The following CARS2 variants were observed in gnomAD, a reference collection of about 807,000 sequenced individuals.
CARS2 encodes the protein cysteinyl-tRNA synthetase 2, mitochondrial.
CARS2 carries 52 observed loss-of-function variants against 68.8 expected under a neutral mutation model. The ratio of observed to expected loss-of-function variants is 0.76; its 90% CI spans 0.61 to 0.95. The LOEUF (loss-of-function observed/expected upper bound fraction) is 0.95, where lower values mean the gene tolerates loss of function less well. Ranked by LOEUF, CARS2 falls within the 40% of genes least tolerant of loss-of-function variation. The probability of loss-of-function intolerance (pLI) is 0.00; values close to 1 mark genes in which losing one functional copy is unlikely to be tolerated. For missense variants in CARS2, 780 were observed against 754.2 expected, an observed-to-expected ratio of 1.03 and a Z score of -0.40; for synonymous variants, 314 against 303.6, an observed-to-expected ratio of 1.03 and a Z score of -0.36.
chr13:110,681,595 T>C (rs902731256), intron 6 of CARS2, among the ~76,000 whole-genome samples: 1 of 152,160 alleles, frequency 6.6e-6, no homozygotes, highest in Non-Finnish European at 1.5e-5. Context: ...TGCTCCTTGG[T>C]ATCTGCCCAA....
intron 7 of CARS2, among the ~76,000 whole-genome samples, chr13:110,673,082 C>T (rs1594315264): frequency 6.6e-6 from 1 of 152,180 alleles, no homozygotes; most frequent in African/African-American, 2.4e-5. Flanking sequence ...TAATAGCCTA[C>T]CAACCAGAAA....
rs59276783 is a variant in CARS2 at position 110,649,931 on chromosome 13, C to CTTTTTTTTTTTTT, written c.1054+1090_1054+1102dup. Among the ~76,000 whole-genome samples the CTTTTTTTTTTTTT allele has an allele frequency of 4.4e-4, 32 of 73,144 alleles. 1 individual carries two copies. Among genetic ancestry groups the CTTTTTTTTTTTTT allele is most frequent in the African/African-American group, 1.5e-3 (29 of 19,264 alleles). The allele number at this position is 73,144 out of a possible 152,430, so 48.0% of individuals were successfully genotyped here. A position where few individuals can be genotyped will look rare whatever the true frequency, so the allele number is the denominator to read the frequency against. ...CCAGGGATGCAGCTCTGGATAACGA[C>CTTTTTTTTTTTTT]TTTTTTTTTTTTTTTTTTTTTTTTG... On this transcript the variant is annotated intron_variant, in intron 10 of 14. Transcript: ENST00000257347.
intron 7 of CARS2, among the ~76,000 whole-genome samples, chr13:110,672,655 A>G (rs1450945978): frequency 3.4e-4 from 52 of 152,258 alleles, no homozygotes; most frequent in Admixed American, 3.4e-3. Context: ...AATTAAAAGA[A>G]CTAGAGAAGC....
At chr13:110,709,651 C>T (rs1467028474), upstream of CARS2, among the ~76,000 whole-genome samples, 1 of 152,136 alleles carries the variant, frequency 6.6e-6, no homozygotes, top group African/African-American at 2.4e-5. Flanking sequence ...ACTGGCTCTC[C>T]TTGCTCCTCA....
intron 12 of CARS2, chr13:110,644,696 T>C: frequency 1.3e-6 from 1 of 757,238 alleles, no homozygotes; most frequent in Non-Finnish European, 2.0e-6. Flanking sequence ...TGCCTCAGTT[T>C]ACCCATCAGT....
chr13:110,701,078 T>G (rs1266580152), intron 3 of CARS2, among the ~76,000 whole-genome samples: 2 of 152,164 alleles, frequency 1.3e-5, no homozygotes, highest in African/African-American at 4.8e-5. Context: ...TTTTTCTTTT[T>G]TTTTTTGAGA....
At chr13:110,710,866 T>C (rs117079992), upstream of CARS2, among the ~76,000 whole-genome samples, 3,666 of 152,288 alleles carry the variant, frequency 0.024, 50 homozygotes, top group Non-Finnish European at 0.036. Flanking sequence ...GCCTTTTTGG[T>C]TTATGTGTAT....
At chr13:110,695,760 G>A (rs564103646) in intron 3 of CARS2, among the ~76,000 whole-genome samples, 19 of 151,000 alleles carry the variant, frequency 1.3e-4, no homozygotes, top group South Asian at 4.2e-4. Flanking sequence ...GTTTACATTG[G>A]ATAAAAAGAA....
At chr13:110,706,192 G>T, upstream of CARS2, 1 of 862,370 alleles carries the variant, frequency 1.2e-6, no homozygotes, top group Non-Finnish European at 1.5e-6. Flanking sequence ...CCCCGCCCAC[G>T]CCCTTGGGGC....
chr13:110,642,535 G>A lies in CARS2; in HGVS notation c.1417-14C>T, dbSNP rs765964848. On this transcript the variant is annotated splice_polypyrimidine_tract_variant and intron_variant, in intron 13 of 14. Transcript: ENST00000257347. ...TCCTGAAACGTACTGAAGCCAGCAG[G>A]GCGCGGTTACGTCCCCCGGAGACTG... is the stretch of plus-strand genomic sequence containing the variant. 1 of 1,608,832 alleles carries A rather than the reference G, an allele frequency of 6.2e-7. No individual in the cohort carries two copies. The highest frequency in any genetic ancestry group is 8.5e-7 in the Non-Finnish European group (1 of 1,177,906).
chr13:110,643,613 C>A, intron 13 of CARS2: 1 of 154,410 alleles, frequency 6.5e-6, no homozygotes, highest in Non-Finnish European at 1.4e-5. Flanking sequence ...AGCCGAGCCA[C>A]ACCCCAAAAG....
In CARS2 at chr13:110,667,479, A is replaced by C. The variant is rs1372358723; in HGVS notation, c.786-6T>G. 6.2e-7 allele frequency: 1 copy of C among 1,613,228 alleles called. No individual in the cohort carries two copies. Among genetic ancestry groups the C allele is most frequent in the East Asian group, 2.2e-5 (1 of 44,880 alleles). On this transcript the variant is annotated splice_polypyrimidine_tract_variant and splice_region_variant and intron_variant, in intron 7 of 14. Transcript: ENST00000257347. ...GTTGACTTCCAAATACCATACTGCA[A>C]GACACAGTGCAAAGTAGTGAATTCA...
chr13:110,663,185 A>T (rs778370702), intron 9 of CARS2: 9 of 580,506 alleles, frequency 1.6e-5, no homozygotes, highest in Non-Finnish European at 2.5e-5. Context: ...GGCAAGGAAG[A>T]GGGCGCCGGC....
intron 9 of CARS2, among the ~76,000 whole-genome samples, chr13:110,657,714 A>T (rs924680968): frequency 6.6e-6 from 1 of 152,274 alleles, no homozygotes; most frequent in African/African-American, 2.4e-5. Flanking sequence ...ATCAAAGTGA[A>T]GCCTCTAAAA....
At chr13:110,677,798 C>G (rs1271427298) in intron 6 of CARS2, 1 of 154,232 alleles carries the variant, frequency 6.5e-6, no homozygotes, top group Non-Finnish European at 1.4e-5. Flanking sequence ...AGACAGTCAC[C>G]CCTACCATGA....
Position 110,693,570 on chromosome 13 carries a change from A to G in CARS2, c.394-5552T>C, listed in dbSNP as rs2063537720. On this transcript the variant is annotated intron_variant, in intron 3 of 14. Coordinates refer to ENST00000257347, the MANE Select transcript of CARS2 (RefSeq NM_024537.4). ...GACACGGGGTTTTACCGTGTTAGCCAGAATGGTCTCGATCTCCTGACCTCG... is the reference window on the plus strand; with the variant it reads ...GACACGGGGTTTTACCGTGTTAGCCGGAATGGTCTCGATCTCCTGACCTCG... Among the ~76,000 whole-genome samples, 4 of 152,122 alleles carry G rather than the reference A, an allele frequency of 2.6e-5. No individual in the cohort carries two copies. In the South Asian group the frequency reaches 8.3e-4, roughly 31 times the overall value.
At chr13:110,702,709 G>A (rs2063824336) in intron 2 of CARS2, among the ~76,000 whole-genome samples, 1 of 152,164 alleles carries the variant, frequency 6.6e-6, no homozygotes, top group African/African-American at 2.4e-5. Flanking sequence ...AGCAATTTGA[G>A]ACCCTGAGAC....
intron 8 of CARS2, chr13:110,667,042 C>T (rs904672294): frequency 7.8e-6 from 6 of 774,036 alleles, no homozygotes; most frequent in African/African-American, 1.9e-5. Flanking sequence ...TCATAATTAT[C>T]GTTACATTGT....
rs1174858983 is a variant in CARS2, at chr13:110,665,158, AC to A, written c.920-1641del. The A allele has an allele frequency of 1.0e-6, 1 of 985,194 alleles. No individual in the cohort carries two copies. The highest frequency in any genetic ancestry group is 6.2e-5 in the Admixed American group (1 of 16,254). 61.0% of individuals were successfully genotyped at this position (985,194 alleles called of 1,614,324 possible). On this transcript the variant is annotated intron_variant, in intron 8 of 14. Coordinates refer to ENST00000257347, the MANE Select transcript of CARS2 (RefSeq NM_024537.4). The surrounding 1 kb of genome is among the most constrained non-coding windows in gnomAD (Gnocchi z 4.3). The stretch of plus-strand genomic sequence containing the variant: ...AAAATCACTGAAAAATAGCCACAAA[AC>A]TTTCCCACCACGTGCAGTGGCTCAC...
Sources: allele counts gnomAD v4.1 joint callset (sites outside exome capture counted in the v4.1 genomes callset), GRCh38; gene constraint gnomAD v4.1.1; non-coding constraint Gnocchi (gnomAD v3.1); transcripts MANE v1.5; gene names NCBI Gene and HGNC (gene_info 2026-07-23, HGNC 2026-07-21).